The following KCNJ4 variants were observed in gnomAD, a reference collection of about 807,000 sequenced individuals.
KCNJ4 encodes potassium inwardly rectifying channel subfamily J member 4, also known as inward rectifier potassium channel 4.
A neutral mutation model predicts 25.6 loss-of-function variants in KCNJ4; 3 were observed. That is an observed-to-expected ratio of 0.12 (90% CI 0.05 to 0.30). The LOEUF (loss-of-function observed/expected upper bound fraction) is 0.30, where lower values mean the gene tolerates loss of function less well. KCNJ4 is among the 10% of genes least tolerant of loss of function. The pLI is 1.00. For missense variants in KCNJ4, 286 were observed against 666.8 expected (o/e 0.43, Z 6.29); for synonymous variants, 257 against 283.9 (o/e 0.91, Z 0.95).
At position 38,427,113 on chromosome 22, in the gene KCNJ4, G is replaced by A. The variant is rs145604528; in HGVS notation, c.1020C>T (p.Tyr340=). 63 of 1,612,960 alleles carry A rather than the reference G, an allele frequency of 3.9e-5. No homozygotes were observed. In the African/African-American group the frequency reaches 4.9e-4, roughly 13 times the overall value. The change falls in exon 2 of 2, where the codon TAC becomes TAT. Residue 340 remains tyrosine, a synonymous_variant. Coordinates refer to ENST00000303592, the MANE Select transcript of KCNJ4 (RefSeq NM_152868.3). ...AGCAGCAGGGCGTGCCGGCCACCTCGTAGGTCTTGTGAAAACGTGAGTAGT... is the reference window on the plus strand; with the variant it reads ...AGCAGCAGGGCGTGCCGGCCACCTCATAGGTCTTGTGAAAACGTGAGTAGT... ...KVDYSRFHKT[Y]EVAGTPCCSA... is the part of the protein sequence containing the mutation.
At position 38,426,849 on chromosome 22, in the gene KCNJ4, C is replaced by G. The variant is rs751082117; in HGVS notation, c.1284G>C (p.Met428Ile). ...EFGSHLDLER[M>I]QASLPLDNIS... ...TGTTGTCCAGCGGGAGGGAAGCCTG[C>G]ATGCGCTCCAGGTCCAGGTGGCTGC... The change falls in exon 2 of 2, where the codon ATG becomes ATC. Residue 428 changes from methionine (M) to isoleucine (I), a missense_variant. By Grantham distance (10) the Met-to-Ile change is conservative. Around this residue, in one of 11 missense-constraint regions of KCNJ4, gnomAD observed 77 missense variants for 97.6 expected, o/e 0.79. Coordinates refer to ENST00000303592, the MANE Select transcript of KCNJ4 (RefSeq NM_152868.3). 1.2e-6 allele frequency: 2 copies of G among 1,613,412 alleles called. No homozygotes were observed. The highest frequency in any genetic ancestry group is 1.7e-6 in the Non-Finnish European group (2 of 1,179,958).
At chr22:38,430,649 C>T (rs972861303) in intron 1 of KCNJ4, among the ~76,000 whole-genome samples, 1 of 152,228 alleles carries the variant, frequency 6.6e-6, no homozygotes, top group African/African-American at 2.4e-5. Flanking sequence ...AGCATCCCAG[C>T]AGCCAGGGCT....
At chr22:38,433,721 C>T (rs1425812680) in intron 1 of KCNJ4, among the ~76,000 whole-genome samples, 3 of 152,236 alleles carry the variant, frequency 2.0e-5, no homozygotes, top group South Asian at 2.1e-4. Context: ...GGCATGGCAC[C>T]GTGTCCGAGG....
intron 1 of KCNJ4, among the ~76,000 whole-genome samples, chr22:38,439,854 G>A (rs1329730958): frequency 1.3e-5 from 2 of 149,534 alleles, no homozygotes; most frequent in Non-Finnish European, 3.0e-5. Context: ...ACTTTGGGAG[G>A]CCAAGGCAGG....
Position 38,450,292 on chromosome 22 carries a change from G to GCTTTTCGACAGCAGCC in KCNJ4, c.-40+4672_-40+4687dup, listed in dbSNP as rs1180287662. Among the ~76,000 whole-genome samples the GCTTTTCGACAGCAGCC allele has an allele frequency of 2.0e-5, 3 of 152,058 alleles. No individual in the cohort carries two copies. The East Asian group carries it at 5.8e-4, about 29-fold the overall frequency. On this transcript the variant is annotated intron_variant, in intron 1 of 1. Transcript: ENST00000303592. ...CAGTCCTCCCATCGTTGGGAGGAGC[G>GCTTTTCGACAGCAGCC]CTTTTCGACAGCAGCCCAACCACAG... is the stretch of plus-strand genomic sequence containing the variant.
chr22:38,443,651 T>A lies in KCNJ4; in HGVS notation c.-40+11329A>T, dbSNP rs138004977. On this transcript the variant is annotated intron_variant, in intron 1 of 1. Transcript: ENST00000303592. The surrounding 1 kb of genome is among the most constrained non-coding windows in gnomAD (Gnocchi z 4.1). ...GTCCACACCTGCAAGGCAGGTGCTG[T>A]CATCATCATCCCACAGTGGGCTTGG... Among the ~76,000 whole-genome samples, 88 of 152,276 alleles carry A rather than the reference T, an allele frequency of 5.8e-4. No individual in the cohort carries two copies. In the East Asian group the frequency reaches 0.017, roughly 29 times the overall value.
chr22:38,454,574 T>C (rs2089428150), intron 1 of KCNJ4, among the ~76,000 whole-genome samples: 1 of 152,014 alleles, frequency 6.6e-6, no homozygotes, highest in Non-Finnish European at 1.5e-5. Flanking sequence ...CACAGGGCCA[T>C]TTGCAACGAG....
intron 1 of KCNJ4, among the ~76,000 whole-genome samples, chr22:38,441,785 TCA>T: frequency 6.6e-6 from 1 of 152,130 alleles, no homozygotes; most frequent in Non-Finnish European, 1.5e-5. Flanking sequence ...AGCCTGAGAC[TCA>T]CACGTGGGGA....
rs371213648 is a variant in KCNJ4 at position 38,427,039 on chromosome 22, G to A, written c.1094C>T (p.Pro365Leu). The change falls in exon 2 of 2, where the codon CCG becomes CTG. Residue 365 changes from proline (P) to leucine (L), a missense_variant. Pro to Leu is a moderately conservative substitution (Grantham distance 98). Around this residue, in one of 11 missense-constraint regions of KCNJ4, gnomAD observed 36 missense variants for 100.1 expected, o/e 0.36. Transcript: ENST00000303592. ...ESKITVLPAP[P>L]PPPSAFCYEN... ...GTAGCAGAAGGCACTGGGAGGGGGC[G>A]GTGGGGCGGGCAGCACGGTGATCTT... 6.8e-6 allele frequency: 11 copies of A among 1,612,572 alleles called. No homozygotes were observed. In the East Asian group the frequency reaches 8.9e-5, roughly 13 times the overall value.
At chr22:38,454,693 T>C (rs908072305) in intron 1 of KCNJ4, among the ~76,000 whole-genome samples, 1 of 152,080 alleles carries the variant, frequency 6.6e-6, no homozygotes, top group Non-Finnish European at 1.5e-5. Flanking sequence ...GGAAAGGTCA[T>C]GGCTGGGGCA....
chr22:38,427,343 C>T lies in KCNJ4; in HGVS notation c.790G>A (p.Glu264Lys), dbSNP rs762869037. 2 of 1,614,022 alleles carry T rather than the reference C, an allele frequency of 1.2e-6. No individual in the cohort carries two copies. Among genetic ancestry groups the T allele is most frequent in the Non-Finnish European group, 1.7e-6 (2 of 1,180,024 alleles). Residue 264 changes from glutamate to lysine, a missense_variant, in exon 2 of 2, where the codon GAG (glutamate) becomes AAG (lysine). Glu to Lys is a moderately conservative substitution (Grantham distance 56). Transcript: ENST00000303592. The part of the protein sequence containing the change: ...FLVSPIIIVH[E>K]IDEDSPLYGM... ...TAAAGCGGGCTGTCCTCGTCGATCT[C>T]GTGGACAATGATGATGGGCGACACC...
chr22:38,442,748 CTTTT>C (rs1194600971), intron 1 of KCNJ4, among the ~76,000 whole-genome samples: 1 of 152,104 alleles, frequency 6.6e-6, no homozygotes, highest in South Asian at 2.1e-4. Flanking sequence ...GCCTTTCTTT[CTTTT>C]TTTATTTTTT....
At chr22:38,445,894 C>T (rs912726910) in intron 1 of KCNJ4, among the ~76,000 whole-genome samples, 6 of 152,012 alleles carry the variant, frequency 3.9e-5, no homozygotes, top group East Asian at 1.9e-4. Flanking sequence ...GCTTGGACTC[C>T]GGGCTTTGTG....
chr22:38,429,735 CGTCCCCAGGGA>C (rs2093043934), intron 1 of KCNJ4, among the ~76,000 whole-genome samples: 1 of 152,196 alleles, frequency 6.6e-6, no homozygotes, highest in South Asian at 2.1e-4. Flanking sequence ...TCTGCCATTG[CGTCCCCAGGGA>C]AGACATGCTG....
chr22:38,438,026 G>A (rs1354384832), intron 1 of KCNJ4, among the ~76,000 whole-genome samples: 2 of 151,918 alleles, frequency 1.3e-5, no homozygotes, highest in African/African-American at 4.8e-5. Flanking sequence ...ATCACCTGAG[G>A]TCAGGAGTTT....
Position 38,449,484 on chromosome 22 carries a change from C to A in KCNJ4, c.-40+5496G>T, listed in dbSNP as rs1602645580. On this transcript the variant is annotated intron_variant, in intron 1 of 1. Coordinates refer to ENST00000303592, the MANE Select transcript of KCNJ4 (RefSeq NM_152868.3). This position sits in a 1 kb window ranked among gnomAD's most constrained non-coding sequence, Gnocchi z 5.2. ...CTGAGAACACTGCTCTCACCCCAGC[C>A]ACCAAGCAACGGCACCAGCCATCTG... Among the ~76,000 whole-genome samples, 2 of 152,352 alleles carry A rather than the reference C, an allele frequency of 1.3e-5. No homozygotes were observed. The highest frequency in any genetic ancestry group is 4.1e-4 in the South Asian group (2 of 4,832).
chr22:38,430,721 C>G (rs983963693), intron 1 of KCNJ4, among the ~76,000 whole-genome samples: 10 of 152,312 alleles, frequency 6.6e-5, no homozygotes, highest in Middle Eastern at 3.4e-3. Flanking sequence ...ATAGAGTTTT[C>G]AGGGAGGCCT....
At chr22:38,444,108 G>A (rs2267388) in intron 1 of KCNJ4, among the ~76,000 whole-genome samples, 69,667 of 151,268 alleles carry the variant, frequency 0.46, 16,796 homozygotes, top group East Asian at 0.75. Context: ...AGGCCCCGAG[G>A]CCCTCCCTCC....
chr22:38,429,080 T>A (rs1166770757), intron 1 of KCNJ4, among the ~76,000 whole-genome samples: 2 of 76,454 alleles, frequency 2.6e-5, no homozygotes, highest in Non-Finnish European at 4.7e-5. Flanking sequence ...CAAGACCCCA[T>A]GTCAAAAAAA....
Sources: allele counts gnomAD v4.1 joint callset (sites outside exome capture counted in the v4.1 genomes callset), GRCh38; gene constraint gnomAD v4.1.1; regional missense constraint gnomAD v4.1.1; non-coding constraint Gnocchi (gnomAD v3.1); transcripts MANE v1.5; gene names NCBI Gene and HGNC (gene_info 2026-07-23, HGNC 2026-07-21).